Variants in NCKAP5 observed in about 807,000 individuals in gnomAD.
The protein encoded by NCKAP5 is nck-associated protein 5.
In NCKAP5, 92 loss-of-function variants were observed where a neutral mutation model predicts 167.0. The ratio of observed to expected loss-of-function variants is 0.55; its 90% confidence interval spans 0.47 to 0.66. The LOEUF is 0.66. Among genes scored for constraint, NCKAP5 ranks in the 30% least tolerant of loss-of-function variants. The probability of loss-of-function intolerance (pLI) is 0.00; values close to 1 mark genes in which losing one functional copy is unlikely to be tolerated. For missense variants in NCKAP5, 2,378 were observed against 2,315.0 expected, an observed-to-expected ratio of 1.03 and a Z score of -0.56; for synonymous variants, 891 against 877.4, an observed-to-expected ratio of 1.02 and a Z score of -0.27.
At chr2:132,794,858 T>C (rs901395128) in intron 12 of NCKAP5, among the ~76,000 whole-genome samples, 1 of 152,136 alleles carries the variant, frequency 6.6e-6, no homozygotes, top group Non-Finnish European at 1.5e-5. Context: ...ATCACTGATG[T>C]GAGCTTCTGG....
chr2:132,771,663 T>A (rs1010297155), intron 16 of NCKAP5, among the ~76,000 whole-genome samples: 2 of 149,260 alleles, frequency 1.3e-5, no homozygotes, highest in African/African-American at 2.4e-5. Flanking sequence ...TTGTTGTTTA[T>A]CTTTGATGCT....
At chr2:133,388,460 G>C (rs547222011) in intron 3 of NCKAP5, among the ~76,000 whole-genome samples, 1 of 152,364 alleles carries the variant, frequency 6.6e-6, no homozygotes, top group South Asian at 2.1e-4. Context: ...ACTGGGGGAT[G>C]CCTCCCAGAT....
chr2:133,611,596 G>C, the NCKAP5 span, among the ~76,000 whole-genome samples: 1 of 152,088 alleles, frequency 6.6e-6, no homozygotes, highest in Non-Finnish European at 1.5e-5. Context: ...AAGACAGTAA[G>C]GCTTCTTAGC....
intron 6 of NCKAP5, among the ~76,000 whole-genome samples, chr2:133,059,562 A>G (rs2079921864): frequency 6.6e-6 from 1 of 151,856 alleles, no homozygotes; most frequent in Non-Finnish European, 1.5e-5. Context: ...GGTCCCAGCT[A>G]CTCAGGAGGC....
At position 132,929,291 on chromosome 2, in the gene NCKAP5, G is replaced by GA. The variant is rs56917331; in HGVS notation, c.579+34428dup. ...AAGCCCAAAATAAGACAGAGGCAAT[G>GA]AAAAAAAAAATCACACAAAACACTT... On this transcript the variant is annotated intron_variant, in intron 8 of 19. Transcript: ENST00000409261. Among the ~76,000 whole-genome samples the GA allele has an allele frequency of 3.1e-3, 457 of 149,358 alleles. 5 individuals are homozygous for GA. Among genetic ancestry groups the GA allele is most frequent in the African/African-American group, 9.9e-3 (403 of 40,842 alleles).
chr2:133,420,098 G>A (rs1689378219), intron 3 of NCKAP5, among the ~76,000 whole-genome samples: 1 of 152,184 alleles, frequency 6.6e-6, no homozygotes, highest in East Asian at 1.9e-4. Flanking sequence ...GGAAGATGGG[G>A]TAAGAGAATC....
chr2:133,223,486 C>T (rs777136906), intron 4 of NCKAP5, among the ~76,000 whole-genome samples: 76 of 152,186 alleles, frequency 5.0e-4, no homozygotes, highest in South Asian at 8.3e-4. Flanking sequence ...AGACCAGCGA[C>T]GGCAGTCCCT....
At position 133,334,932 on chromosome 2, in the gene NCKAP5, C is replaced by A. The variant is rs1490133999; in HGVS notation, c.70-31822G>T. 2.6e-5 allele frequency among the ~76,000 whole-genome samples: 4 copies of A among 152,166 alleles called. No homozygotes were observed. The East Asian group carries it at 7.7e-4, about 29-fold the overall frequency. ...GCTGAGCTGGGTCTCTACTGTGAATCAAAAAGAATAGAAAGCCAAACTCAG... is the reference window on the plus strand; with the variant it reads ...GCTGAGCTGGGTCTCTACTGTGAATAAAAAAGAATAGAAAGCCAAACTCAG... On this transcript the variant is annotated intron_variant, in intron 3 of 19. Coordinates refer to ENST00000409261, the MANE Select transcript of NCKAP5 (RefSeq NM_207363.3).
At chr2:133,231,397 A>G (rs1325799954) in intron 4 of NCKAP5, among the ~76,000 whole-genome samples, 1 of 152,182 alleles carries the variant, frequency 6.6e-6, no homozygotes, top group East Asian at 1.9e-4. Context: ...CTGGGTTTTA[A>G]TCTGGCCCAT....
chr2:133,267,679 T>G (rs928135700), intron 4 of NCKAP5, among the ~76,000 whole-genome samples: 1 of 152,294 alleles, frequency 6.6e-6, no homozygotes, highest in Admixed American at 6.5e-5. Context: ...CTCATGAAAA[T>G]ACTATTTTTC....
At chr2:132,904,220 G>T (rs890650372) in intron 8 of NCKAP5, among the ~76,000 whole-genome samples, 2 of 151,776 alleles carry the variant, frequency 1.3e-5, no homozygotes, top group African/African-American at 4.8e-5. Flanking sequence ...CATGGGAGGC[G>T]GAGCTTGCAG....
At chr2:133,556,607 C>T (rs1015702894) in intron 2 of NCKAP5, 1 of 152,174 alleles carries the variant, frequency 6.6e-6, no homozygotes, top group Non-Finnish European at 1.5e-5. Context: ...TTAGCAAGTG[C>T]AGATGAAAGT....
chr2:133,502,766 G>A (rs1202390629), intron 3 of NCKAP5, among the ~76,000 whole-genome samples: 1 of 152,214 alleles, frequency 6.6e-6, no homozygotes, highest in African/African-American at 2.4e-5. Flanking sequence ...AATAGTAATA[G>A]TTTCAAGATT....
chr2:132,997,877 G>T (rs2077652733), intron 6 of NCKAP5, among the ~76,000 whole-genome samples: 1 of 151,918 alleles, frequency 6.6e-6, no homozygotes, highest in Non-Finnish European at 1.5e-5. Flanking sequence ...GCTAATACTT[G>T]ATTTCATTTT....
At chr2:133,345,533 CT>C (rs1267096409) in intron 3 of NCKAP5, among the ~76,000 whole-genome samples, 4 of 152,156 alleles carry the variant, frequency 2.6e-5, no homozygotes, top group Non-Finnish European at 5.9e-5. Context: ...TTGAAATATG[CT>C]GACACCTGAG....
intron 4 of NCKAP5, among the ~76,000 whole-genome samples, chr2:133,224,978 G>A (rs561499846): frequency 2.6e-5 from 4 of 152,108 alleles, no homozygotes; most frequent in East Asian, 3.9e-4. Flanking sequence ...ATGTTGCCAC[G>A]CTCTCTAAGA....
chr2:133,113,785 T>G (rs1266697209), intron 6 of NCKAP5, among the ~76,000 whole-genome samples: 1 of 151,928 alleles, frequency 6.6e-6, no homozygotes, highest in Non-Finnish European at 1.5e-5. Flanking sequence ...ACAGCTAGGG[T>G]GTACACACAT....
intron 3 of NCKAP5, among the ~76,000 whole-genome samples, chr2:133,340,070 TCC>T (rs958924863): frequency 1.3e-5 from 2 of 152,274 alleles, no homozygotes; most frequent in Admixed American, 1.3e-4. Context: ...AAATATATGA[TCC>T]CTGGCCAGCA....
chr2:133,005,967 C>A (rs980736481), intron 6 of NCKAP5, among the ~76,000 whole-genome samples: 4 of 152,018 alleles, frequency 2.6e-5, no homozygotes, highest in Non-Finnish European at 5.9e-5. Context: ...ATCAAAATTT[C>A]TTCTCTTGGC....
Sources: gnomAD v4.1 joint callset for allele counts (sites outside exome capture counted in the v4.1 genomes callset) on GRCh38, gnomAD v4.1.1 for gene constraint, MANE v1.5 for transcripts, NCBI Gene and HGNC (gene_info 2026-07-23, HGNC 2026-07-21) for gene names.